The following BTG4 variants were observed in gnomAD, a reference collection of about 807,000 sequenced individuals.
BTG4 encodes protein BTG4.
Under a neutral mutation model 19.3 loss-of-function variants are expected in BTG4, and 10 were observed. That is an observed-to-expected ratio of 0.52 (90% CI 0.32 to 0.88). The LOEUF (loss-of-function observed/expected upper bound fraction) is 0.88. Ranked by LOEUF, BTG4 falls within the 40% of genes least tolerant of loss-of-function variation. BTG4 has a pLI of 0.04. For synonymous variants in BTG4, 91 were observed against 95.7 expected (o/e 0.95, Z 0.29); for missense variants, 238 against 281.9 (o/e 0.84, Z 1.11).
chr11:111,478,641 C>T (rs967643214), intron 5 of BTG4, among the ~76,000 whole-genome samples: 1 of 151,920 alleles, frequency 6.6e-6, no homozygotes, highest in African/African-American at 2.4e-5. Context: ...GTCTCAGCAA[C>T]GAATGGTAAA....
chr11:111,405,422 A>AAAAAAAAAAAAAAAAAC, the BTG4 span, among the ~76,000 whole-genome samples: 1 of 148,562 alleles, frequency 6.7e-6, no homozygotes, highest in African/African-American at 2.5e-5. Context: ...AAAAAAAAAA[A>AAAAAAAAAAAAAAAAAC]AAAAAAAAAA....
chr11:111,391,595 C>A, the BTG4 span, among the ~76,000 whole-genome samples: 1 of 152,056 alleles, frequency 6.6e-6, no homozygotes, highest in African/African-American at 2.4e-5. Context: ...CCAAGGATCA[C>A]AAGCAGCTTG....
At chr11:111,502,424 T>C (rs1162000794) in intron 1 of BTG4, among the ~76,000 whole-genome samples, 1 of 152,246 alleles carries the variant, frequency 6.6e-6, no homozygotes, top group Admixed American at 6.5e-5. Flanking sequence ...TTTACACTTT[T>C]GATTGCTTAA....
the BTG4 span, among the ~76,000 whole-genome samples, chr11:111,442,540 ACACACC>A: frequency 0.011 from 1,666 of 150,946 alleles, 43 homozygotes; most frequent in African/African-American, 0.036. Flanking sequence ...ACACACACAC[ACACACC>A]AGATGAGCCT....
the BTG4 span, among the ~76,000 whole-genome samples, chr11:111,384,233 G>A: frequency 6.6e-6 from 1 of 151,528 alleles, no homozygotes; most frequent in African/African-American, 2.4e-5. Context: ...TATGGTGTTG[G>A]CCAGTACTAT....
At chr11:111,385,578 T>A in the BTG4 span, 1 of 151,902 alleles carries the variant, frequency 6.6e-6, no homozygotes, top group African/African-American at 2.4e-5. Flanking sequence ...GATATAATAA[T>A]AATATATTAT....
At chr11:111,426,099 C>T in the BTG4 span, among the ~76,000 whole-genome samples, 2 of 152,222 alleles carry the variant, frequency 1.3e-5, no homozygotes, top group African/African-American at 4.8e-5. Context: ...ATGTTGGCAT[C>T]ATTATCCAAA....
the BTG4 span, among the ~76,000 whole-genome samples, chr11:111,386,597 T>C: frequency 2.0e-5 from 3 of 152,204 alleles, no homozygotes; most frequent in Non-Finnish European, 4.4e-5. Flanking sequence ...TGTGTGTATA[T>C]ACATATTTTC....
Position 111,508,215 on chromosome 11 carries a change from G to A in BTG4, c.-27+3966C>T, listed in dbSNP as rs149000610. Reference sequence around the variant, plus strand: ...CATCCCATATTTTCTACATCACCTCGTACTGAAATTTACTAATCTCCTAAA... The same window carrying A: ...CATCCCATATTTTCTACATCACCTCATACTGAAATTTACTAATCTCCTAAA... On this transcript the variant is annotated intron_variant, in intron 1 of 4. Coordinates refer to ENST00000692032, the MANE Select transcript of BTG4 (RefSeq NM_001367975.1). Among the ~76,000 whole-genome samples, 570 of 152,150 alleles carry A rather than the reference G, an allele frequency of 3.7e-3. 4 individuals are homozygous for A. Among genetic ancestry groups the A allele is most frequent in the Non-Finnish European group, 6.7e-3 (453 of 67,982 alleles).
chr11:111,478,385 G>A (rs1307782738), intron 5 of BTG4, among the ~76,000 whole-genome samples: 1 of 152,076 alleles, frequency 6.6e-6, no homozygotes, highest in Non-Finnish European at 1.5e-5. Flanking sequence ...AGGGTCAAAG[G>A]AAACCAGTTG....
At chr11:111,410,987 C>T in the BTG4 span, among the ~76,000 whole-genome samples, 34 of 152,272 alleles carry the variant, frequency 2.2e-4, no homozygotes, top group East Asian at 5.8e-4. Context: ...TCAGCATCTC[C>T]GCCGACATTA....
chr11:111,400,562 A>C, the BTG4 span, among the ~76,000 whole-genome samples: 1 of 152,236 alleles, frequency 6.6e-6, no homozygotes, highest in East Asian at 1.9e-4. Flanking sequence ...TATGATTCTT[A>C]AGCCCTTATT....
At chr11:111,429,562 T>C in the BTG4 span, among the ~76,000 whole-genome samples, 5 of 152,202 alleles carry the variant, frequency 3.3e-5, no homozygotes, top group East Asian at 9.6e-4. Context: ...AAGGTATCCC[T>C]GGACTTGTTG....
chr11:111,425,475 A>G, the BTG4 span, among the ~76,000 whole-genome samples: 1 of 152,272 alleles, frequency 6.6e-6, no homozygotes, highest in East Asian at 1.9e-4. Flanking sequence ...AGCAATGGAG[A>G]GTTAATGACA....
Position 111,495,221 on chromosome 11 carries a change from A to G in BTG4, c.604T>C (p.Tyr202His). ...TTAGGATGCTTCTGCGAGCCATGGT[A>G]AGTGTTTCCCAGGAGGCCAACACGG... Reference protein sequence around the residue: ...DGRVGLLGNTYHGSQKHPKCY... With the variant: ...DGRVGLLGNTHHGSQKHPKCY... The change falls in exon 5 of 5, where the codon TAC becomes CAC. Residue 202 changes from tyrosine to histidine, a missense_variant. Physicochemically the swap from Tyr to His is moderately conservative, Grantham distance 83 (BLOSUM62 2). Transcript: ENST00000692032. 1 of 1,612,904 alleles carries G rather than the reference A, an allele frequency of 6.2e-7. No individual in the cohort carries two copies. Among genetic ancestry groups the G allele is most frequent in the Non-Finnish European group, 8.5e-7 (1 of 1,179,578 alleles).
the BTG4 span, among the ~76,000 whole-genome samples, chr11:111,445,881 A>G: frequency 6.6e-6 from 1 of 151,996 alleles, no homozygotes; most frequent in Non-Finnish European, 1.5e-5. Flanking sequence ...CAGCTCTACT[A>G]CTCTCGCCAG....
intron 2 of BTG4, 23 bp from the exon 3 acceptor site, chr11:111,498,158 C>G (rs1433139324): frequency 6.2e-7 from 1 of 1,612,308 alleles, no homozygotes; most frequent in Non-Finnish European, 8.5e-7. Context: ...CGAAGGGAAA[C>G]GAAGACATGA....
chr11:111,443,241 A>G, the BTG4 span, among the ~76,000 whole-genome samples: 3 of 152,254 alleles, frequency 2.0e-5, no homozygotes, highest in Non-Finnish European at 2.9e-5. Flanking sequence ...CAAGGTCATC[A>G]AAAACAAGGA....
At chr11:111,473,153 A>G (rs1864176526) in intron 5 of BTG4, 1 of 152,114 alleles carries the variant, frequency 6.6e-6, no homozygotes, top group African/African-American at 2.4e-5. Context: ...GTCCTCTGCT[A>G]ACCACCCCCT....
Sources: allele counts gnomAD v4.1 joint callset (sites outside exome capture counted in the v4.1 genomes callset), GRCh38; gene constraint gnomAD v4.1.1; transcripts MANE v1.5; gene names NCBI Gene and HGNC (gene_info 2026-07-23, HGNC 2026-07-21).